The following FRY variants were observed in gnomAD, a reference collection of about 807,000 sequenced individuals.
The protein encoded by FRY is FRY microtubule binding protein.
Under a neutral mutation model 348.4 loss-of-function variants are expected in FRY, and 128 were observed. That is an observed-to-expected ratio of 0.37 (90% CI 0.32 to 0.43). The LOEUF (loss-of-function observed/expected upper bound fraction) is 0.43, where lower values mean the gene tolerates loss of function less well. Among genes scored for constraint, FRY ranks in the 20% least tolerant of loss-of-function variants. The pLI, the probability that FRY is intolerant of heterozygous loss-of-function variation, is 1.00. For synonymous variants in FRY, 1,370 were observed against 1,374.7 expected (o/e 1.00, Z 0.08); for missense variants, 2,736 against 3,695.2 (o/e 0.74, Z 6.73).
In FRY at chr13:32,049,579, C is replaced by T. The variant is rs1156434146; in HGVS notation, c.70+17714C>T. Among the ~76,000 whole-genome samples the T allele has an allele frequency of 2.6e-5, 4 of 152,214 alleles. No homozygotes were observed. The East Asian group carries it at 5.8e-4, about 22-fold the overall frequency. On this transcript the variant is annotated intron_variant, in intron 1 of 60. Transcript: ENST00000542859. ...CCTCCCAAGTAGCTGGGACTACAGG[C>T]GCTCGCCACCACACCCAACCCCATA...
At chr13:32,104,176 TTTC>T (rs1201715446) in intron 3 of FRY, among the ~76,000 whole-genome samples, 4 of 152,212 alleles carry the variant, frequency 2.6e-5, no homozygotes, top group African/African-American at 9.6e-5. Flanking sequence ...TTAAACACAA[TTTC>T]TTATTTGTTA....
chr13:32,209,602 T>C lies in FRY; in HGVS notation c.4293T>C (p.Pro1431=). Residue 1431 remains proline (P), a synonymous_variant, in exon 33 of 61, where the codon CCT becomes CCC. Coordinates refer to ENST00000542859, the MANE Select transcript of FRY (RefSeq NM_023037.3). ...TGTTATAGTATGGAGATGAAGTTCC[T>C]GGGCCAGAAATGGAAAATGCTTGGA... The part of the protein sequence containing the change: ...YMTAKYGDEV[P]GPEMENAWNA... 1.2e-6 allele frequency: 2 copies of C among 1,614,118 alleles called. No homozygotes were observed. The highest frequency in any genetic ancestry group is 2.2e-5 in the South Asian group (2 of 91,088).
At chr13:32,116,473 GAAGA>G (rs1878308276) in intron 3 of FRY, among the ~76,000 whole-genome samples, 3 of 152,076 alleles carry the variant, frequency 2.0e-5, no homozygotes, top group Non-Finnish European at 2.9e-5. Context: ...TTTTGGTTTT[GAAGA>G]GTTTCATTAT....
At chr13:32,212,807 G>C (rs1884759350) in intron 35 of FRY, among the ~76,000 whole-genome samples, 1 of 152,104 alleles carries the variant, frequency 6.6e-6, no homozygotes, top group Non-Finnish European at 1.5e-5. Context: ...CTTTTGCTTT[G>C]TGCTGTCTTG....
At chr13:32,042,108 G>C (rs1272548357) in intron 1 of FRY, among the ~76,000 whole-genome samples, 2 of 152,100 alleles carry the variant, frequency 1.3e-5, no homozygotes, top group East Asian at 3.9e-4. Context: ...TTTCTAGAGG[G>C]GAAGAGGAGT....
Position 32,296,924 on chromosome 13 carries a change from A to AT in FRY, c.*1466dup, listed in dbSNP as rs1272507720. ...GAGCTCTAATTCTCCATAACCTATA[A>AT]TTAGGTTGTCATCCTTCAAATTTGG... On this transcript the variant is annotated 3_prime_UTR_variant, in exon 61 of 61. Coordinates refer to ENST00000542859, the MANE Select transcript of FRY (RefSeq NM_023037.3). 6.6e-6 allele frequency: 1 copy of AT among 152,218 alleles called. No individual in the cohort carries two copies. Among genetic ancestry groups the AT allele is most frequent in the Non-Finnish European group, 1.5e-5 (1 of 68,036 alleles). 9.4% of individuals were successfully genotyped at this position (152,218 alleles called of 1,614,324 possible). A position where few individuals can be genotyped will look rare whatever the true frequency, so the allele number is the denominator to read the frequency against.
chr13:32,224,084 C>A, intron 36 of FRY, 151 bp from the exon 37 acceptor site: 1 of 689,486 alleles, frequency 1.5e-6, no homozygotes, highest in Non-Finnish European at 2.4e-6. Context: ...TGGGTGCCAG[C>A]GAGACCCTGT....
intron 54 of FRY, 113 bp downstream of exon 54, chr13:32,265,729 C>A: frequency 9.5e-7 from 1 of 1,056,698 alleles, no homozygotes; most frequent in Non-Finnish European, 1.4e-6. Context: ...TAATAAAGGA[C>A]TCCAAAGTGA....
chr13:32,157,123 G>A (rs1881161593), intron 15 of FRY, 150 bp from the exon 16 acceptor site: 2 of 700,242 alleles, frequency 2.9e-6, no homozygotes, highest in Non-Finnish European at 5.1e-6. Flanking sequence ...GCTAAAAGCT[G>A]TGCAGATGAG....
At chr13:32,145,569 G>A (rs557779444) in intron 11 of FRY, among the ~76,000 whole-genome samples, 3 of 124,710 alleles carry the variant, frequency 2.4e-5, no homozygotes, top group African/African-American at 9.7e-5. Context: ...ACGGAGTCTC[G>A]CTCTGTCGCC....
intron 3 of FRY, among the ~76,000 whole-genome samples, chr13:32,115,690 T>C (rs548477414): frequency 5.3e-5 from 8 of 152,102 alleles, no homozygotes; most frequent in Non-Finnish European, 8.8e-5. Context: ...ACCTTGAGTC[T>C]TTGCTTTTTT....
At chr13:32,286,870 T>C (rs886641444) in intron 58 of FRY, among the ~76,000 whole-genome samples, 3 of 151,012 alleles carry the variant, frequency 2.0e-5, no homozygotes, top group African/African-American at 7.3e-5. Context: ...TTAGAAATTG[T>C]CTATTGAGTC....
intron 34 of FRY, among the ~76,000 whole-genome samples, chr13:32,211,648 C>T (rs771695616): frequency 8.7e-4 from 132 of 152,254 alleles, no homozygotes; most frequent in Non-Finnish European, 1.4e-3. Flanking sequence ...CTGGACCCTC[C>T]CTTGGCTATA....
At chr13:32,251,984 G>A (rs1389558394) in intron 50 of FRY, 32 bp downstream of exon 50, 5 of 1,391,828 alleles carry the variant, frequency 3.6e-6, no homozygotes, top group Middle Eastern at 1.8e-4. Context: ...AGTTATTTTG[G>A]TGTCATATCT....
intron 2 of FRY, among the ~76,000 whole-genome samples, chr13:32,084,024 A>G (rs771306851): frequency 1.3e-5 from 2 of 151,998 alleles, no homozygotes; most frequent in Admixed American, 6.6e-5. Flanking sequence ...ACTCATTTCT[A>G]TACCTTTTTT....
chr13:32,211,418 C>A (rs1884678244), intron 34 of FRY, among the ~76,000 whole-genome samples: 1 of 152,218 alleles, frequency 6.6e-6, no homozygotes, highest in Non-Finnish European at 1.5e-5. Flanking sequence ...AAGATTGCAC[C>A]ACTATACTCC....
intron 7 of FRY, among the ~76,000 whole-genome samples, chr13:32,125,134 T>C (rs1015796838): frequency 1.3e-5 from 2 of 152,250 alleles, no homozygotes; most frequent in Non-Finnish European, 2.9e-5. Flanking sequence ...GTGACCAGAT[T>C]ACATTTCTCT....
intron 51 of FRY, among the ~76,000 whole-genome samples, chr13:32,258,794 C>A (rs1438998267): frequency 6.6e-6 from 1 of 150,538 alleles, no homozygotes; most frequent in East Asian, 1.9e-4. Flanking sequence ...AATATTTATA[C>A]CCAAACCACA....
In FRY at chr13:32,048,808, T is replaced by C. The variant is rs145391540; in HGVS notation, c.70+16943T>C. On this transcript the variant is annotated intron_variant, in intron 1 of 60. Transcript: ENST00000542859. ...AAAAAATCTGAATATAAAGATTTTA[T>C]CTTCTTGATTAAGGTGCATGTACTC... 4.1e-3 allele frequency among the ~76,000 whole-genome samples: 631 copies of C among 152,356 alleles called. 7 individuals are homozygous for C. The highest frequency in any genetic ancestry group is 0.014 in the African/African-American group (602 of 41,578).
Sources: allele counts gnomAD v4.1 joint callset (sites outside exome capture counted in the v4.1 genomes callset), GRCh38; gene constraint gnomAD v4.1.1; transcripts MANE v1.5; gene names NCBI Gene and HGNC (gene_info 2026-07-23, HGNC 2026-07-21).